RNF138: variants seen among roughly 807,000 people sequenced by gnomAD.
RNF138 encodes E3 ubiquitin-protein ligase RNF138.
Under a neutral mutation model 31.0 loss-of-function variants are expected in RNF138, and 12 were observed. The observed-to-expected ratio is 0.39, with a 90% confidence interval of 0.25 to 0.63. The LOEUF (loss-of-function observed/expected upper bound fraction) is 0.63. RNF138 is among the 20% of genes least tolerant of loss of function. The pLI is 0.52. For synonymous variants in RNF138, 105 were observed against 99.5 expected (o/e 1.06, Z -0.33); for missense variants, 192 against 300.1 (o/e 0.64, Z 2.66).
At chr18:32,121,686 A>G (rs547979648) in intron 4 of RNF138, among the ~76,000 whole-genome samples, 3 of 152,278 alleles carry the variant, frequency 2.0e-5, no homozygotes, top group East Asian at 1.9e-4. Context: ...AGAAACATCT[A>G]CCAATTTTAA....
At chr18:32,096,133 GTTT>G (rs890840111) in intron 2 of RNF138, among the ~76,000 whole-genome samples, 1 of 152,182 alleles carries the variant, frequency 6.6e-6, no homozygotes, top group African/African-American at 2.4e-5. Context: ...TAATTTGAGT[GTTT>G]TCCTGAAAAC....
At chr18:32,126,657 T>A (rs376913015) in intron 6 of RNF138, 36 bp from the exon 7 acceptor site, 1 of 1,199,626 alleles carries the variant, frequency 8.3e-7, no homozygotes, top group African/African-American at 1.5e-5. Flanking sequence ...TCATTGTTTT[T>A]ATTATTTTTT....
At position 32,101,214 on chromosome 18, in the gene RNF138, C is replaced by CTT. The variant is rs781488612; in HGVS notation, c.110+8343_110+8344dup. ...CTGGGCTTCAACCTCTTATAGGTTT[C>CTT]TTTTTTTTTTTTTTTTCAAAGACAG... On this transcript the variant is annotated intron_variant, in intron 2 of 7. Transcript: ENST00000261593. 5.1e-3 allele frequency among the ~76,000 whole-genome samples: 709 copies of CTT among 137,716 alleles called. 33 individuals carry two copies. The East Asian group carries it at 0.097, about 19-fold the overall frequency. The allele number at this position is 137,716 out of a possible 152,430, so 90.3% of individuals were successfully genotyped here.
chr18:32,092,812 C>T lies in RNF138; in HGVS notation c.36C>T (p.Thr12=), dbSNP rs1193144238. The T allele has an allele frequency of 2.5e-6, 4 of 1,598,324 alleles. No individual in the cohort carries two copies. The highest frequency in any genetic ancestry group is 2.6e-6 in the Non-Finnish European group (3 of 1,174,908). Residue 12 remains threonine, a synonymous_variant, in exon 2 of 8, where the codon ACC becomes ACT. Coordinates refer to ENST00000261593, the MANE Select transcript of RNF138 (RefSeq NM_016271.5). ...ACCTCTCTGCGGCCACGTCCTACAC[C>T]GAAGATGATTTCTACTGCCCCGTCT... ...AEDLSAATSY[T]EDDFYCPVCQ... is the part of the protein sequence containing the mutation.
Position 32,124,789 on chromosome 18 carries a change from A to C in RNF138, c.505A>C (p.Arg169=). The change falls in exon 6 of 8, where the codon AGA becomes CGA. Residue 169 remains arginine, a synonymous_variant. Transcript: ENST00000261593. ...CCTGTGTCAAGAATCAAATTTTACC[A>C]GACAGCGTTTACTGGATCACTGTAA... ...CPLCQESNFT[R]QRLLDHCNSN... is the part of the protein sequence containing the mutation. 6.2e-7 allele frequency: 1 copy of C among 1,607,694 alleles called. No homozygotes were observed. The highest frequency in any genetic ancestry group is 8.5e-7 in the Non-Finnish European group (1 of 1,174,254).
intron 2 of RNF138, among the ~76,000 whole-genome samples, chr18:32,098,069 T>G (rs1463040544): frequency 6.6e-6 from 1 of 151,812 alleles, no homozygotes; most frequent in Non-Finnish European, 1.5e-5. Context: ...CACTGCAACC[T>G]CCCACCTCCC....
At chr18:32,115,981 A>G (rs1300801452) in intron 4 of RNF138, among the ~76,000 whole-genome samples, 4 of 152,210 alleles carry the variant, frequency 2.6e-5, no homozygotes, top group Non-Finnish European at 5.9e-5. Flanking sequence ...TTCAAATTTC[A>G]GATGTCACTT....
chr18:32,111,641 T>A, intron 2 of RNF138, 113 bp from the exon 3 acceptor site: 1 of 829,564 alleles, frequency 1.2e-6, no homozygotes, highest in Non-Finnish European at 1.9e-6. Flanking sequence ...TACATATGAG[T>A]AGCCTAACTT....
intron 3 of RNF138, among the ~76,000 whole-genome samples, chr18:32,112,705 T>C (rs2040152978): frequency 6.6e-6 from 1 of 151,950 alleles, no homozygotes. Context: ...AAGAAAGAAA[T>C]CACAAAATAT....
chr18:32,121,042 C>A (rs550269950), intron 4 of RNF138, among the ~76,000 whole-genome samples: 1 of 150,172 alleles, frequency 6.7e-6, no homozygotes, highest in Admixed American at 6.7e-5. Flanking sequence ...GGCTGAGGCA[C>A]GAGAATCACT....
At chr18:32,099,552 A>G (rs28440020) in intron 2 of RNF138, among the ~76,000 whole-genome samples, 2 of 152,058 alleles carry the variant, frequency 1.3e-5, no homozygotes, top group Non-Finnish European at 1.5e-5. Context: ...ACAGGCATGC[A>G]CCACTATACC....
chr18:32,121,144 A>AC lies in RNF138; in HGVS notation c.393-2374_393-2373insC. Among the ~76,000 whole-genome samples the AC allele has an allele frequency of 7.1e-5, 2 of 28,342 alleles. 1 individual carries two copies. The highest frequency in any genetic ancestry group is 2.0e-4 in the African/African-American group (2 of 10,118). The allele number at this position is 28,342 out of a possible 152,430, so 18.6% of individuals were successfully genotyped here. On this transcript the variant is annotated intron_variant, in intron 4 of 7. Coordinates refer to ENST00000261593, the MANE Select transcript of RNF138 (RefSeq NM_016271.5). ...GAGTGAGACTGTCTCAAAAAAAAACAAAACAAAAAAAAAGCAGATCCAAAT... is the reference window on the plus strand; with the variant it reads ...GAGTGAGACTGTCTCAAAAAAAAACACAAACAAAAAAAAAGCAGATCCAAAT...
At position 32,109,175 on chromosome 18, in the gene RNF138, ACAAGGTCT is replaced by A. The variant is rs2040085534; in HGVS notation, c.111-2576_111-2569del. ...TTTCTTTCTTTTTTTTTTTTTTTAA[ACAAGGTCT>A]CACTCTGTTGCTCAGGCTGAAGTGC... On this transcript the variant is annotated intron_variant, in intron 2 of 7. Transcript: ENST00000261593. Among the ~76,000 whole-genome samples, 3 of 150,388 alleles carry A rather than the reference ACAAGGTCT, an allele frequency of 2.0e-5. No homozygotes were observed. In the South Asian group the frequency reaches 6.3e-4, roughly 31 times the overall value.
intron 6 of RNF138, chr18:32,125,148 A>T (rs767972821): frequency 1.8e-5 from 4 of 219,400 alleles, no homozygotes; most frequent in African/African-American, 8.9e-5. Context: ...CAACCTGTCT[A>T]TTGAGGCCTC....
chr18:32,122,001 T>C (rs1289410311), intron 4 of RNF138, among the ~76,000 whole-genome samples: 1 of 152,138 alleles, frequency 6.6e-6, no homozygotes. Flanking sequence ...CCCGAGTAGT[T>C]GGGATTACAG....
intron 6 of RNF138, among the ~76,000 whole-genome samples, chr18:32,125,914 G>A (rs769679404): frequency 2.6e-5 from 4 of 152,176 alleles, no homozygotes; most frequent in Non-Finnish European, 5.9e-5. Flanking sequence ...CAGTGCCAAA[G>A]ATGTTCCAGG....
At chr18:32,110,411 C>T (rs868472503) in intron 2 of RNF138, among the ~76,000 whole-genome samples, 1 of 152,174 alleles carries the variant, frequency 6.6e-6, no homozygotes, top group Non-Finnish European at 1.5e-5. Context: ...GCATTTTATA[C>T]TTGTTATCTA....
intron 2 of RNF138, among the ~76,000 whole-genome samples, chr18:32,103,718 CT>C (rs2144579504): frequency 6.6e-6 from 1 of 152,228 alleles, no homozygotes; most frequent in African/African-American, 2.4e-5. Context: ...AATCCCAGCA[CT>C]TTGGGAGGCC....
chr18:32,123,255 G>A (rs2040333924), intron 4 of RNF138, among the ~76,000 whole-genome samples: 1 of 151,924 alleles, frequency 6.6e-6, no homozygotes, highest in Non-Finnish European at 1.5e-5. Context: ...CTGTGCATAA[G>A]TTAATTTTAA....
Sources: allele counts gnomAD v4.1 joint callset (sites outside exome capture counted in the v4.1 genomes callset), GRCh38; gene constraint gnomAD v4.1.1; transcripts MANE v1.5; gene names NCBI Gene and HGNC (gene_info 2026-07-23, HGNC 2026-07-21).